The following TTC7B variants were observed in gnomAD, a reference collection of about 807,000 sequenced individuals.
TTC7B encodes tetratricopeptide repeat domain 7B, also known as tetratricopeptide repeat protein 7B.
Under a neutral mutation model 106.8 loss-of-function variants are expected in TTC7B, and 28 were observed. The observed-to-expected ratio is 0.26, with a 90% CI of 0.19 to 0.36. The LOEUF is 0.36. TTC7B is among the 10% of genes least tolerant of loss of function. The pLI is 1.00. For synonymous variants in TTC7B, 405 were observed against 430.6 expected (o/e 0.94, Z 0.74); for missense variants, 862 against 1,076.4 (o/e 0.80, Z 2.79).
At chr14:90,806,224 C>T (rs1027150009) in intron 1 of TTC7B, among the ~76,000 whole-genome samples, 2 of 152,242 alleles carry the variant, frequency 1.3e-5, no homozygotes, top group Non-Finnish European at 2.9e-5. Context: ...TACAGCACCC[C>T]CACATTCTGT....
intron 4 of TTC7B, among the ~76,000 whole-genome samples, chr14:90,732,907 C>T (rs1038313697): frequency 2.6e-5 from 4 of 152,114 alleles, no homozygotes; most frequent in Admixed American, 6.6e-5. Flanking sequence ...TTCTAACAAT[C>T]GGCATTAAGG....
chr14:90,689,069 C>T (rs1217541776), intron 7 of TTC7B, among the ~76,000 whole-genome samples: 2 of 152,190 alleles, frequency 1.3e-5, no homozygotes, highest in East Asian at 1.9e-4. Context: ...AGACACATCA[C>T]CTTCCAATCA....
intron 5 of TTC7B, among the ~76,000 whole-genome samples, chr14:90,708,053 G>A (rs1311437346): frequency 6.7e-6 from 1 of 150,362 alleles, no homozygotes; most frequent in African/African-American, 2.5e-5. Context: ...GGCTGAGGCA[G>A]GAGAACAGCT....
intron 18 of TTC7B, among the ~76,000 whole-genome samples, chr14:90,593,025 A>T (rs1892033577): frequency 6.6e-6 from 1 of 152,212 alleles, no homozygotes; most frequent in Admixed American, 6.5e-5. Context: ...AAGATGTGCC[A>T]GGCATTGCAC....
At chr14:90,548,099 C>T (rs1275349337) in intron 19 of TTC7B, among the ~76,000 whole-genome samples, 4 of 152,216 alleles carry the variant, frequency 2.6e-5, no homozygotes, top group South Asian at 2.1e-4. Flanking sequence ...GTGCTCTCTA[C>T]GCCAGGGCAT....
At chr14:90,665,074 G>A (rs1886358434) in intron 9 of TTC7B, among the ~76,000 whole-genome samples, 1 of 152,080 alleles carries the variant, frequency 6.6e-6, no homozygotes, top group African/African-American at 2.4e-5. Flanking sequence ...GGCAGTGTGG[G>A]CCTAGGAAGG....
chr14:90,767,266 G>A (rs572420735), intron 3 of TTC7B, among the ~76,000 whole-genome samples: 1 of 152,252 alleles, frequency 6.6e-6, no homozygotes, highest in Admixed American at 6.5e-5. Context: ...TACAATAAGT[G>A]AAATGAAAAA....
intron 7 of TTC7B, among the ~76,000 whole-genome samples, chr14:90,687,229 A>G (rs1047009574): frequency 2.0e-5 from 3 of 152,210 alleles, no homozygotes; most frequent in African/African-American, 7.2e-5. Flanking sequence ...AGTTTTTTTA[A>G]AAGCTGATCA....
chr14:90,581,939 G>GC (rs1891513429), intron 18 of TTC7B, among the ~76,000 whole-genome samples: 1 of 152,224 alleles, frequency 6.6e-6, no homozygotes, highest in Admixed American at 6.5e-5. Flanking sequence ...AAAGAATCCA[G>GC]CCCCCATGGC....
chr14:90,541,374 C>A lies in TTC7B; in HGVS notation c.2526G>T (p.Val842=). The A allele has an allele frequency of 1.2e-6, 2 of 1,601,244 alleles. No individual in the cohort carries two copies. The highest frequency in any genetic ancestry group is 1.7e-5 in the Admixed American group (1 of 58,690). ...PAVPFTIIPR[V]L ...GAGGCTGGCAGGCGCCTGCTCAGAG[C>A]ACGCGGGGGATGATGGTGAAGGGCA... The change falls in exon 20 of 20, where the codon GTG becomes GTT. Residue 842 remains valine (V), a synonymous_variant. Transcript: ENST00000328459.
At chr14:90,682,722 G>A (rs562486623) in intron 7 of TTC7B, among the ~76,000 whole-genome samples, 8 of 152,166 alleles carry the variant, frequency 5.3e-5, no homozygotes, top group Non-Finnish European at 1.0e-4. Flanking sequence ...GGTGGGGGAC[G>A]AAAGGGGACA....
chr14:90,786,609 C>T (rs1030095022), intron 1 of TTC7B, among the ~76,000 whole-genome samples: 21 of 151,750 alleles, frequency 1.4e-4, no homozygotes, highest in Middle Eastern at 3.4e-3. Flanking sequence ...GATGGAGTTT[C>T]GCTCTTGTTG....
chr14:90,769,571 G>A (rs1890795058), intron 3 of TTC7B, among the ~76,000 whole-genome samples: 1 of 152,126 alleles, frequency 6.6e-6, no homozygotes, highest in Admixed American at 6.5e-5. Flanking sequence ...TTCAAGACCA[G>A]CCTGAGCAAC....
rs1247714149 is a variant in TTC7B, at chr14:90,531,016, G to A, written c.*10352C>T. 1 of 152,028 alleles carries A rather than the reference G, an allele frequency of 6.6e-6. No homozygotes were observed. Among genetic ancestry groups the A allele is most frequent in the East Asian group, 1.9e-4 (1 of 5,198 alleles). 9.4% of individuals were successfully genotyped at this position (152,028 alleles called of 1,614,324 possible). A position where few individuals can be genotyped will look rare whatever the true frequency, so the allele number is the denominator to read the frequency against. On this transcript the variant is annotated 3_prime_UTR_variant, in exon 20 of 20. Coordinates refer to ENST00000328459, the MANE Select transcript of TTC7B (RefSeq NM_001010854.2). The stretch of plus-strand genomic sequence containing the variant: ...AAAATGTAAATCTGCATAAATCTCT[G>A]TTAATAGATACAGGATATAAAATGA...
chr14:90,744,892 G>A lies in TTC7B; in HGVS notation c.476C>T (p.Ser159Phe). ...GLCLEKLPIS[S>F]STSNLHVDRE... ...GTCCACATGGAGATTACTGGTAGAA[G>A]AAGAAATAGGCAGCTTCTCCAAACA... The change falls in exon 4 of 20, where the codon TCT becomes TTT. Residue 159 changes from serine to phenylalanine, a missense_variant. Ser to Phe is a radical substitution (Grantham distance 155, BLOSUM62 -2). Coordinates refer to ENST00000328459, the MANE Select transcript of TTC7B (RefSeq NM_001010854.2). The A allele has an allele frequency of 6.2e-7, 1 of 1,614,000 alleles. No individual in the cohort carries two copies. The highest frequency in any genetic ancestry group is 2.2e-5 in the East Asian group (1 of 44,878).
At chr14:90,803,520 C>T (rs766766753) in intron 1 of TTC7B, among the ~76,000 whole-genome samples, 4 of 152,198 alleles carry the variant, frequency 2.6e-5, no homozygotes, top group Non-Finnish European at 5.9e-5. Context: ...TTCCTCCCGA[C>T]TCCCATAACT....
chr14:90,796,125 A>G (rs945107211), intron 1 of TTC7B, among the ~76,000 whole-genome samples: 1 of 152,036 alleles, frequency 6.6e-6, no homozygotes, highest in Non-Finnish European at 1.5e-5. Flanking sequence ...TTCCCTCCCA[A>G]CCAGCTGGGT....
rs946700472 is a variant in TTC7B, at chr14:90,529,718, A to G, written c.*11650T>C. The G allele has an allele frequency of 5.3e-5, 8 of 152,356 alleles. No homozygotes were observed. The highest frequency in any genetic ancestry group is 1.7e-4 in the African/African-American group (7 of 41,578). 9.4% of individuals were successfully genotyped at this position (152,356 alleles called of 1,614,324 possible). On this transcript the variant is annotated 3_prime_UTR_variant, in exon 20 of 20. Coordinates refer to ENST00000328459, the MANE Select transcript of TTC7B (RefSeq NM_001010854.2). ...TCATGAGGATTAGATGAGTTAATACATGTCGAATGATTGGTGCATAATAAA... is the reference window on the plus strand; with the variant it reads ...TCATGAGGATTAGATGAGTTAATACGTGTCGAATGATTGGTGCATAATAAA...
intron 7 of TTC7B, among the ~76,000 whole-genome samples, chr14:90,684,142 G>A (rs1036070440): frequency 6.6e-6 from 1 of 151,904 alleles, no homozygotes; most frequent in Non-Finnish European, 1.5e-5. Flanking sequence ...AAGGAGTTTA[G>A]ACAGTGCCTG....
Sources: gnomAD v4.1 joint callset for allele counts (sites outside exome capture counted in the v4.1 genomes callset) on GRCh38, gnomAD v4.1.1 for gene constraint, MANE v1.5 for transcripts, NCBI Gene and HGNC (gene_info 2026-07-23, HGNC 2026-07-21) for gene names.